Variants in TLK2 observed in about 807,000 individuals in gnomAD.
The protein encoded by TLK2 is serine/threonine-protein kinase tousled-like 2.
In TLK2, 6 loss-of-function variants were observed where a neutral mutation model predicts 117.3. The ratio of observed to expected loss-of-function variants is 0.05; its 90% CI spans 0.03 to 0.10. TLK2 has a LOEUF of 0.10. Among genes scored for constraint, TLK2 ranks in the 10% least tolerant of loss-of-function variants. The pLI, the probability that TLK2 is intolerant of heterozygous loss-of-function variation, is 1.00. For synonymous variants in TLK2, 257 were observed against 316.7 expected (o/e 0.81, Z 2.00); for missense variants, 299 against 901.2 (o/e 0.33, Z 8.56).
chr17:62,561,535 A>G (rs1477126622), intron 10 of TLK2, among the ~76,000 whole-genome samples: 2 of 152,194 alleles, frequency 1.3e-5, no homozygotes, highest in Non-Finnish European at 2.9e-5. Context: ...TTTTAAGAAG[A>G]CAGTACTTCC....
chr17:62,592,698 G>C (rs540160284), intron 16 of TLK2, among the ~76,000 whole-genome samples: 36 of 152,304 alleles, frequency 2.4e-4, no homozygotes, highest in Admixed American at 2.0e-3. Flanking sequence ...GGGGGAGATG[G>C]TTTCAGGATG....
intron 2 of TLK2, among the ~76,000 whole-genome samples, chr17:62,519,981 C>A (rs2465450): frequency 1.3e-5 from 2 of 152,172 alleles, no homozygotes; most frequent in Non-Finnish European, 2.9e-5. Flanking sequence ...CACACTCTTG[C>A]AAGTGAAGTT....
rs61100480 is a variant in TLK2, at chr17:62,546,344, G to GTTTTTTTTTTT, written c.532-5952_532-5942dup. On this transcript the variant is annotated intron_variant, in intron 7 of 21. Coordinates refer to ENST00000346027, the MANE Select transcript of TLK2 (RefSeq NM_006852.6). ...GTTCCCTATTTTGAGTTTGTTGATT[G>GTTTTTTTTTTT]TTTTTTTTTTTTTTTTACATAATGA... Among the ~76,000 whole-genome samples the GTTTTTTTTTTT allele has an allele frequency of 3.4e-4, 8 of 23,350 alleles. 2 individuals carry two copies. The highest frequency in any genetic ancestry group is 7.1e-4 in the African/African-American group (7 of 9,882). The allele number at this position is 23,350 out of a possible 152,430, so 15.3% of individuals were successfully genotyped here.
At chr17:62,607,582 C>A (rs1322501920) in intron 20 of TLK2, among the ~76,000 whole-genome samples, 2 of 152,106 alleles carry the variant, frequency 1.3e-5, no homozygotes, top group Non-Finnish European at 1.5e-5. Context: ...CATTAAGTAA[C>A]CCCAACTCTT....
intron 16 of TLK2, among the ~76,000 whole-genome samples, chr17:62,590,782 T>A (rs780125105): frequency 6.6e-6 from 1 of 152,176 alleles, no homozygotes; most frequent in African/African-American, 2.4e-5. Flanking sequence ...CCCAACAAGA[T>A]GGTATTAAAT....
chr17:62,568,728 G>T (rs965457196), intron 11 of TLK2, among the ~76,000 whole-genome samples: 1 of 151,840 alleles, frequency 6.6e-6, no homozygotes. Flanking sequence ...GGGATTACAG[G>T]TGCCCACCAC....
Position 62,520,787 on chromosome 17 carries a change from T to C in TLK2, c.96T>C (p.Ser32=). The change falls in exon 3 of 22, where the codon AGT becomes AGC. Residue 32 remains serine, a synonymous_variant. Transcript: ENST00000346027. The part of the protein sequence containing the change: ...GVGVSKGPLN[S]ESSNQSLCSV... Reference sequence around the variant, plus strand: ...TTTTCTTTCAGGGACCACTTAATAGTGAGTCTTCCAACCAGAGCTTGTGCA... The same window carrying C: ...TTTTCTTTCAGGGACCACTTAATAGCGAGTCTTCCAACCAGAGCTTGTGCA... 6.2e-7 allele frequency: 1 copy of C among 1,613,368 alleles called. No individual in the cohort carries two copies. Among genetic ancestry groups the C allele is most frequent in the Non-Finnish European group, 8.5e-7 (1 of 1,179,558 alleles).
intron 2 of TLK2, among the ~76,000 whole-genome samples, chr17:62,493,690 A>G (rs981732081): frequency 6.6e-6 from 1 of 152,232 alleles, no homozygotes; most frequent in Non-Finnish European, 1.5e-5. Flanking sequence ...AATTGCAACT[A>G]TTACAAATAG....
At chr17:62,538,033 G>GTTTTTTTTTTTTTTT (rs57512334) in intron 7 of TLK2, among the ~76,000 whole-genome samples, 3 of 106,164 alleles carry the variant, frequency 2.8e-5, no homozygotes, top group Non-Finnish European at 5.5e-5. Flanking sequence ...TTAAATCTTT[G>GTTTTTTTTTTTTTTT]TTTTTTTTTT....
At chr17:62,549,189 C>A (rs186365602) in intron 7 of TLK2, among the ~76,000 whole-genome samples, 1 of 147,068 alleles carries the variant, frequency 6.8e-6, no homozygotes, top group Non-Finnish European at 1.5e-5. Context: ...GTCAGGAGAT[C>A]GAAACCATCC....
chr17:62,521,550 G>A (rs1237464355), intron 3 of TLK2, among the ~76,000 whole-genome samples: 1 of 152,058 alleles, frequency 6.6e-6, no homozygotes. Context: ...GTGCCACCGT[G>A]CCTGGCTAAT....
chr17:62,562,841 C>T lies in TLK2; in HGVS notation c.832-2160C>T, dbSNP rs77153487. Among the ~76,000 whole-genome samples the T allele has an allele frequency of 3.0e-4, 45 of 152,122 alleles. No homozygotes were observed. In the East Asian group the frequency reaches 7.7e-3, roughly 26 times the overall value. ...AAGACAAACAAAAGCAAATGTTGGC[C>T]GGGCATGGTGACTCACACCTATAAT... On this transcript the variant is annotated intron_variant, in intron 10 of 21. Coordinates refer to ENST00000346027, the MANE Select transcript of TLK2 (RefSeq NM_006852.6).
chr17:62,533,788 T>A (rs1294918995), intron 6 of TLK2, among the ~76,000 whole-genome samples: 1 of 152,222 alleles, frequency 6.6e-6, no homozygotes, highest in Non-Finnish European at 1.5e-5. Flanking sequence ...ATGGTTTATA[T>A]TTTTAATGTC....
chr17:62,577,029 C>A (rs1356720203), intron 13 of TLK2, among the ~76,000 whole-genome samples: 1 of 138,874 alleles, frequency 7.2e-6, no homozygotes, highest in Non-Finnish European at 1.5e-5. Flanking sequence ...GTGGCACGAT[C>A]TTGGCTCACT....
chr17:62,501,353 G>T (rs1254947955), intron 2 of TLK2, among the ~76,000 whole-genome samples: 4 of 152,158 alleles, frequency 2.6e-5, no homozygotes, highest in Non-Finnish European at 5.9e-5. Flanking sequence ...TTAAAATAAA[G>T]GTCTAAAATC....
At chr17:62,602,301 A>G (rs540194379) in intron 19 of TLK2, 121 bp downstream of exon 19, 157 of 949,620 alleles carry the variant, frequency 1.7e-4, no homozygotes, top group Non-Finnish European at 2.3e-4. Context: ...AAACCAAAGC[A>G]GACTTTCTCC....
chr17:62,595,053 C>T lies in TLK2; in HGVS notation c.1461-1532C>T, dbSNP rs138610989. Among the ~76,000 whole-genome samples, 1,311 of 152,262 alleles carry T rather than the reference C, an allele frequency of 8.6e-3. 15 individuals carry two copies. The highest frequency in any genetic ancestry group is 0.03 in the African/African-American group (1,266 of 41,556). On this transcript the variant is annotated intron_variant, in intron 16 of 21. Transcript: ENST00000346027. ...CTCGCCTCACTGCAACCTCCACCTC[C>T]CAGGTTCAAGTGATTCTCCTGCTTC...
At chr17:62,592,574 C>T (rs944730201) in intron 16 of TLK2, among the ~76,000 whole-genome samples, 1 of 152,154 alleles carries the variant, frequency 6.6e-6, no homozygotes. Flanking sequence ...TGCTCCTAGG[C>T]TACACACCTG....
intron 13 of TLK2, among the ~76,000 whole-genome samples, chr17:62,577,630 C>T (rs554341833): frequency 1.3e-5 from 2 of 152,316 alleles, no homozygotes; most frequent in South Asian, 4.1e-4. Context: ...GGTCGATGCT[C>T]TTTATAGGTG....
Sources: allele counts gnomAD v4.1 joint callset (sites outside exome capture counted in the v4.1 genomes callset), GRCh38; gene constraint gnomAD v4.1.1; transcripts MANE v1.5; gene names NCBI Gene and HGNC (gene_info 2026-07-23, HGNC 2026-07-21).